AJAP1: variants seen among roughly 807,000 people sequenced by gnomAD.
AJAP1 encodes the protein adherens junctions associated protein 1.
In AJAP1, 5 loss-of-function variants were observed where a neutral mutation model predicts 35.0. The observed-to-expected ratio is 0.14, with a 90% CI of 0.07 to 0.30. AJAP1 has a LOEUF of 0.30. Ranked by LOEUF, AJAP1 falls within the 10% of genes least tolerant of loss-of-function variation. AJAP1 has a pLI of 1.00. For synonymous variants in AJAP1, 284 were observed against 249.3 expected (o/e 1.14, Z -1.31); for missense variants, 586 against 571.0 (o/e 1.03, Z -0.27).
rs926559770 is a variant in AJAP1 at position 4,696,736 on chromosome 1, C to T, written c.30-15164C>T. Among the ~76,000 whole-genome samples the T allele has an allele frequency of 2.0e-5, 3 of 152,154 alleles. No individual in the cohort carries two copies. In the East Asian group the frequency reaches 5.8e-4, roughly 29 times the overall value. ...CATGGTGTGTTTGTGTGTGCACGCA[C>T]CTGCGTTCTGTGTGTGCATATGACT... On this transcript the variant is annotated intron_variant, in intron 1 of 5. Coordinates refer to ENST00000378191, the MANE Select transcript of AJAP1 (RefSeq NM_018836.4).
chr1:4,673,856 A>G (rs912707506), intron 1 of AJAP1, among the ~76,000 whole-genome samples: 1 of 151,492 alleles, frequency 6.6e-6, no homozygotes, highest in African/African-American at 2.4e-5. Flanking sequence ...GAGAGGCTTT[A>G]CTCCTGAGCC....
chr1:4,770,818 G>A (rs1045787902), intron 3 of AJAP1, among the ~76,000 whole-genome samples: 2 of 152,182 alleles, frequency 1.3e-5, no homozygotes, highest in African/African-American at 2.4e-5. Flanking sequence ...GGCTGCAGGA[G>A]GGTGGGGGTA....
intron 1 of AJAP1, among the ~76,000 whole-genome samples, chr1:4,664,928 G>A (rs1639083078): frequency 6.6e-6 from 1 of 152,160 alleles, no homozygotes; most frequent in African/African-American, 2.4e-5. Flanking sequence ...TTACTAGGCA[G>A]GGTCATTGTA....
intron 2 of AJAP1, among the ~76,000 whole-genome samples, chr1:4,747,105 G>C (rs1251290219): frequency 6.6e-6 from 1 of 152,208 alleles, no homozygotes; most frequent in Non-Finnish European, 1.5e-5. Context: ...AGCCAAAGGA[G>C]ACAGATGTGG....
chr1:4,679,676 G>C (rs1367788837), intron 1 of AJAP1, among the ~76,000 whole-genome samples: 1 of 152,196 alleles, frequency 6.6e-6, no homozygotes, highest in African/African-American at 2.4e-5. Context: ...GTGTTTCTTG[G>C]CTTATAGATG....
At chr1:4,680,548 T>C (rs1323955289) in intron 1 of AJAP1, among the ~76,000 whole-genome samples, 1 of 152,166 alleles carries the variant, frequency 6.6e-6, no homozygotes, top group African/African-American at 2.4e-5. Flanking sequence ...TACCCTGTAG[T>C]GCTCAGAGCC....
chr1:4,711,638 C>T (rs1570141899), intron 1 of AJAP1, among the ~76,000 whole-genome samples: 1 of 152,190 alleles, frequency 6.6e-6, no homozygotes, highest in South Asian at 2.1e-4. Flanking sequence ...CCGGCCGGCT[C>T]TGTGCCTGGC....
intron 1 of AJAP1, among the ~76,000 whole-genome samples, chr1:4,659,933 C>T (rs1338038548): frequency 1.3e-5 from 2 of 152,204 alleles, no homozygotes; most frequent in African/African-American, 2.4e-5. Context: ...ACTACCCCTT[C>T]CCTAGAAATT....
At chr1:4,749,488 G>A (rs138917255) in intron 2 of AJAP1, among the ~76,000 whole-genome samples, 5 of 152,328 alleles carry the variant, frequency 3.3e-5, no homozygotes, top group East Asian at 3.9e-4. Context: ...GCTGTCATGC[G>A]CTTATATGCC....
In AJAP1 at chr1:4,708,880, CCT is replaced by C. The variant is rs376292775; in HGVS notation, c.30-3017_30-3016del. Among the ~76,000 whole-genome samples, 55 of 151,516 alleles carry C rather than the reference CCT, an allele frequency of 3.6e-4. 1 individual carries two copies. The highest frequency in any genetic ancestry group is 1.3e-3 in the African/African-American group (53 of 41,558). On this transcript the variant is annotated intron_variant, in intron 1 of 5. Transcript: ENST00000378191. ...GCCTCTGTCCTGGTTGCCCACCTGC[CCT>C]CTTTTTTTTCCTCTCTGAACAAATC...
intron 1 of AJAP1, among the ~76,000 whole-genome samples, chr1:4,689,660 G>A (rs79937911): frequency 6.6e-6 from 1 of 152,372 alleles, no homozygotes; most frequent in Non-Finnish European, 1.5e-5. Context: ...CCTCCGCCTT[G>A]AAACACAGCT....
chr1:4,666,050 G>A (rs1269997272), intron 1 of AJAP1, among the ~76,000 whole-genome samples: 1 of 152,156 alleles, frequency 6.6e-6, no homozygotes, highest in Non-Finnish European at 1.5e-5. Context: ...AGATGGGGAT[G>A]TGGAGGCACC....
intron 2 of AJAP1, among the ~76,000 whole-genome samples, chr1:4,756,053 A>G (rs1641423719): frequency 6.6e-6 from 1 of 152,134 alleles, no homozygotes. Context: ...TGCTTAGCAT[A>G]TGCATAAGGA....
intron 5 of AJAP1, among the ~76,000 whole-genome samples, chr1:4,779,340 CT>C (rs57812997): frequency 1.4e-3 from 206 of 144,160 alleles, no homozygotes; most frequent in East Asian, 1.4e-3. Flanking sequence ...TTTTCTTTTT[CT>C]TTTTTTTTTT....
intron 2 of AJAP1, among the ~76,000 whole-genome samples, chr1:4,743,381 A>G (rs1416720699): frequency 1.3e-5 from 2 of 152,172 alleles, no homozygotes; most frequent in Non-Finnish European, 2.9e-5. Flanking sequence ...AAGGGGCTCG[A>G]GACAGTGCAC....
chr1:4,780,281 C>T (rs1642033838), intron 5 of AJAP1, among the ~76,000 whole-genome samples: 9 of 152,052 alleles, frequency 5.9e-5, no homozygotes. Context: ...ACTCCGCACC[C>T]ACTCAACACT....
rs1299172916 is a variant in AJAP1, at chr1:4,782,520, CTCT to C, written c.*60-20_*60-18del. 3 of 374,434 alleles carry C rather than the reference CTCT, an allele frequency of 8.0e-6. No individual in the cohort carries two copies. Among genetic ancestry groups the C allele is most frequent in the South Asian group, 1.5e-4 (1 of 6,790 alleles). The allele number at this position is 374,434 out of a possible 1,614,324, so 23.2% of individuals were successfully genotyped here. A position where few individuals can be genotyped will look rare whatever the true frequency, so the allele number is the denominator to read the frequency against. ...CGCCCTCGGCGTGCTGCCATTTAAT[CTCT>C]TCTTGTTTTCTTTCCACACAGGATT... is the stretch of plus-strand genomic sequence containing the variant. On this transcript the variant is annotated intron_variant, in intron 5 of 5. Transcript: ENST00000378191. This position sits in a 1 kb window ranked among gnomAD's most constrained non-coding sequence, Gnocchi z 5.3.
At chr1:4,674,037 G>A (rs907298257) in intron 1 of AJAP1, among the ~76,000 whole-genome samples, 8 of 71,184 alleles carry the variant, frequency 1.1e-4, no homozygotes, top group Admixed American at 6.3e-4. Context: ...TATCCCCCCC[G>A]CCACCAAAAA....
intron 1 of AJAP1, among the ~76,000 whole-genome samples, chr1:4,698,904 G>A (rs530916737): frequency 5.8e-4 from 88 of 152,300 alleles, no homozygotes; most frequent in African/African-American, 7.2e-4. Flanking sequence ...ATGGTCCAGC[G>A]GGGAGTGGCT....
Sources: gnomAD v4.1 joint callset for allele counts (sites outside exome capture counted in the v4.1 genomes callset) on GRCh38, gnomAD v4.1.1 for gene constraint, Gnocchi (gnomAD v3.1) non-coding constraint, MANE v1.5 for transcripts, NCBI Gene and HGNC (gene_info 2026-07-23, HGNC 2026-07-21) for gene names.